Variants in RHOT1 observed in about 807,000 individuals in gnomAD.
RHOT1 encodes mitochondrial Rho GTPase 1.
Under a neutral mutation model 95.3 loss-of-function variants are expected in RHOT1, and 27 were observed. The ratio of observed to expected loss-of-function variants is 0.28; its 90% confidence interval spans 0.21 to 0.39. The LOEUF (loss-of-function observed/expected upper bound fraction) is 0.39, where lower values mean the gene tolerates loss of function less well. RHOT1 is among the 10% of genes least tolerant of loss of function. RHOT1 has a pLI of 1.00. For synonymous variants in RHOT1, 227 were observed against 263.5 expected (o/e 0.86, Z 1.34); for missense variants, 578 against 786.7 (o/e 0.73, Z 3.17).
intron 1 of RHOT1, among the ~76,000 whole-genome samples, chr17:32,164,831 A>G (rs2033897681): frequency 6.6e-6 from 1 of 151,858 alleles, no homozygotes; most frequent in African/African-American, 2.4e-5. Context: ...GCACCACTGC[A>G]CTTCAGCCTG....
chr17:32,163,984 G>C (rs1266840889), intron 1 of RHOT1, among the ~76,000 whole-genome samples: 2 of 151,730 alleles, frequency 1.3e-5, no homozygotes, highest in Non-Finnish European at 2.9e-5. Context: ...GTGAAACCCT[G>C]TCTCTAATAA....
chr17:32,168,535 A>G (rs957839005), intron 1 of RHOT1, among the ~76,000 whole-genome samples: 1 of 151,772 alleles, frequency 6.6e-6, no homozygotes, highest in Non-Finnish European at 1.5e-5. Context: ...CAGCCTCACA[A>G]AGTGCTGGAA....
intron 8 of RHOT1, among the ~76,000 whole-genome samples, chr17:32,189,368 G>A (rs1423447594): frequency 1.3e-5 from 2 of 152,188 alleles, no homozygotes; most frequent in Non-Finnish European, 2.9e-5. Context: ...GCTAGGTGTT[G>A]TATTTATGAT....
At chr17:32,178,377 A>T (rs2035210354) in intron 6 of RHOT1, among the ~76,000 whole-genome samples, 1 of 151,956 alleles carries the variant, frequency 6.6e-6, no homozygotes, top group Non-Finnish European at 1.5e-5. Flanking sequence ...TTTTTGGTGG[A>T]GACGGACTTT....
intron 6 of RHOT1, chr17:32,179,733 G>GC (rs2035429947): frequency 2.2e-5 from 3 of 138,426 alleles, no homozygotes; most frequent in Admixed American, 7.4e-5. Flanking sequence ...AGTGGGGAGC[G>GC]CCTCTGCCCA....
intron 19 of RHOT1, among the ~76,000 whole-genome samples, chr17:32,212,178 C>T (rs984264194): frequency 3.3e-5 from 5 of 152,188 alleles, no homozygotes; most frequent in African/African-American, 1.2e-4. Context: ...CCATTGGACA[C>T]TCACTGAGGG....
At chr17:32,163,962 C>G (rs1419340474) in intron 1 of RHOT1, among the ~76,000 whole-genome samples, 1 of 151,926 alleles carries the variant, frequency 6.6e-6, no homozygotes, top group Non-Finnish European at 1.5e-5. Context: ...CGAGACCATC[C>G]TGGCCAACAT....
intron 3 of RHOT1, among the ~76,000 whole-genome samples, chr17:32,174,553 C>A (rs1238406042): frequency 1.3e-5 from 2 of 152,100 alleles, no homozygotes; most frequent in African/African-American, 4.8e-5. Context: ...AAGCCTTAAC[C>A]CATTGATTAC....
At chr17:32,177,659 G>A (rs1194344311) in intron 6 of RHOT1, among the ~76,000 whole-genome samples, 1 of 150,334 alleles carries the variant, frequency 6.7e-6, no homozygotes, top group African/African-American at 2.4e-5. Flanking sequence ...GGAGGCTGAA[G>A]CAGGAGAATG....
chr17:32,219,486 C>T (rs1389685093), intron 19 of RHOT1, among the ~76,000 whole-genome samples: 1 of 152,120 alleles, frequency 6.6e-6, no homozygotes, highest in East Asian at 1.9e-4. Context: ...TTTGTATGCC[C>T]TTGCACTAAA....
At position 32,142,590 on chromosome 17, in the gene RHOT1, G is replaced by A; in HGVS notation, c.-103G>A. ...TGAGGGGGCGGCGCGGCGGGCCCCG[G>A]CGGCCGAAGAGGCTGGCAGGTGGCG... is the stretch of plus-strand genomic sequence containing the variant. On this transcript the variant is annotated 5_prime_UTR_variant, in exon 1 of 20. Transcript: ENST00000545287. The A allele has an allele frequency of 3.0e-6, 3 of 1,009,282 alleles. No individual in the cohort carries two copies. The highest frequency in any genetic ancestry group is 4.1e-6 in the Non-Finnish European group (3 of 737,846). 62.5% of individuals were successfully genotyped at this position (1,009,282 alleles called of 1,614,324 possible).
chr17:32,209,172 G>T, intron 18 of RHOT1: 1 of 370,832 alleles, frequency 2.7e-6, no homozygotes, highest in African/African-American at 2.1e-5. Flanking sequence ...GATTTGTACA[G>T]ATTTTTAAAG....
chr17:32,193,221 C>A lies in RHOT1; in HGVS notation c.725C>A (p.Ala242Asp). 2 of 1,612,164 alleles carry A rather than the reference C, an allele frequency of 1.2e-6. No individual in the cohort carries two copies. The highest frequency in any genetic ancestry group is 1.7e-6 in the Non-Finnish European group (2 of 1,178,544). The change falls in exon 10 of 20, where the codon GCT becomes GAT. Residue 242 changes from alanine to aspartate, a missense_variant. Around this residue, in one of 4 missense-constraint regions of RHOT1, gnomAD observed 227 missense variants for 316.0 expected, o/e 0.72. Transcript: ENST00000545287. The part of the protein sequence containing the change: ...VVRKHISDGV[A>D]DSGLTLKGFL... Reference sequence around the variant, plus strand: ...AGAAAACATATAAGTGATGGTGTGGCTGACAGTGGGTTGACCCTGAAAGGT... The same window carrying A: ...AGAAAACATATAAGTGATGGTGTGGATGACAGTGGGTTGACCCTGAAAGGT...
rs375466013 is a variant in RHOT1 at position 32,210,197 on chromosome 17, C to T, written c.1740-919C>T. 9.9e-4 allele frequency among the ~76,000 whole-genome samples: 150 copies of T among 152,188 alleles called. 2 individuals are homozygous for T. In the South Asian group the frequency reaches 0.03, roughly 30 times the overall value. On this transcript the variant is annotated intron_variant, in intron 18 of 19. Coordinates refer to ENST00000545287, the MANE Select transcript of RHOT1 (RefSeq NM_001033566.3). ...GTGATGTCATTGATTCATCAGGTGGCGCTCTTCTGAGTGGGTTCTGAACCA... is the reference window on the plus strand; with the variant it reads ...GTGATGTCATTGATTCATCAGGTGGTGCTCTTCTGAGTGGGTTCTGAACCA...
chr17:32,199,591 AGTTTAAAATTATG>A, intron 13 of RHOT1, 41 bp downstream of exon 13: 2 of 1,503,976 alleles, frequency 1.3e-6, no homozygotes, highest in Non-Finnish European at 8.9e-7. Flanking sequence ...AGTTACAAAT[AGTTTAAAATTATG>A]GTGTATTACA....
At chr17:32,182,554 T>A (rs149680391) in intron 6 of RHOT1, among the ~76,000 whole-genome samples, 1,524 of 152,286 alleles carry the variant, frequency 0.01, 30 homozygotes, top group African/African-American at 0.035. Context: ...TAAAGCAGTA[T>A]GTGGCTTATA....
chr17:32,178,263 C>G (rs2035197451), intron 6 of RHOT1, among the ~76,000 whole-genome samples: 1 of 150,336 alleles, frequency 6.7e-6, no homozygotes, highest in Admixed American at 6.7e-5. Flanking sequence ...GTGATCTCGG[C>G]TCACTGCAAC....
intron 18 of RHOT1, chr17:32,209,292 C>T (rs955091476): frequency 5.3e-6 from 5 of 943,816 alleles, no homozygotes; most frequent in African/African-American, 1.7e-5. Flanking sequence ...TATAGAATAA[C>T]CAAAACCTTA....
At chr17:32,151,557 G>T in intron 1 of RHOT1, 1 of 422,820 alleles carries the variant, frequency 2.4e-6, no homozygotes. Flanking sequence ...AGTCCTGCGC[G>T]GTGTGTCTCT....
Sources: allele counts gnomAD v4.1 joint callset (sites outside exome capture counted in the v4.1 genomes callset), GRCh38; gene constraint gnomAD v4.1.1; regional missense constraint gnomAD v4.1.1; transcripts MANE v1.5; gene names NCBI Gene and HGNC (gene_info 2026-07-23, HGNC 2026-07-21).